Variants in TNFRSF8 observed in about 807,000 individuals in gnomAD.
The protein encoded by TNFRSF8 is TNF receptor superfamily member 8.
In TNFRSF8, 26 loss-of-function variants were observed where a neutral mutation model predicts 70.8. That is an observed-to-expected ratio of 0.37 (90% confidence interval 0.27 to 0.51). TNFRSF8 has a LOEUF of 0.51. TNFRSF8 is among the 20% of genes least tolerant of loss of function. TNFRSF8 has a pLI of 0.94. For missense variants in TNFRSF8, 720 were observed against 807.9 expected (o/e 0.89, Z 1.32); for synonymous variants, 356 against 339.2 (o/e 1.05, Z -0.54).
At chr1:12,093,636 G>T (rs1222956642) in intron 2 of TNFRSF8, among the ~76,000 whole-genome samples, 1 of 152,020 alleles carries the variant, frequency 6.6e-6, no homozygotes, top group East Asian at 1.9e-4. Flanking sequence ...TGCCTCCTGG[G>T]TTCAAGTGAT....
chr1:12,136,649 G>GAAAA (rs55656730), intron 13 of TNFRSF8, among the ~76,000 whole-genome samples: 1 of 122,346 alleles, frequency 8.2e-6, no homozygotes. Context: ...GACTCCATCT[G>GAAAA]AAAAAAAAAA....
intron 14 of TNFRSF8, among the ~76,000 whole-genome samples, chr1:12,140,254 G>C (rs1642227199): frequency 6.6e-6 from 1 of 152,174 alleles, no homozygotes. Context: ...GGTGGAAAGG[G>C]AAGGCCTTGG....
intron 1 of TNFRSF8, among the ~76,000 whole-genome samples, chr1:12,065,569 A>C (rs1640726415): frequency 6.6e-6 from 1 of 152,204 alleles, no homozygotes; most frequent in South Asian, 2.1e-4. Context: ...AGACCTTTAT[A>C]AATGCATGTC....
rs560767669 is a variant in TNFRSF8, at chr1:12,086,576, C to A, written c.151+2025C>A. Among the ~76,000 whole-genome samples the A allele has an allele frequency of 2.7e-5, 4 of 149,764 alleles. No homozygotes were observed. In the Admixed American group the frequency reaches 2.7e-4, roughly 10 times the overall value. On this transcript the variant is annotated intron_variant, in intron 2 of 14. Transcript: ENST00000263932. ...CCTTTCCATTTTTCTTCCCATCTAG[C>A]CACTATCCATCCATCCATCTGTATT...
At chr1:12,136,959 A>G (rs1243997266) in intron 13 of TNFRSF8, among the ~76,000 whole-genome samples, 4 of 148,250 alleles carry the variant, frequency 2.7e-5, no homozygotes, top group South Asian at 2.1e-4. Context: ...TGGCAGGGTC[A>G]TAGGACAATA....
chr1:12,096,327 G>A (rs1295877981), intron 2 of TNFRSF8, among the ~76,000 whole-genome samples: 2 of 151,652 alleles, frequency 1.3e-5, no homozygotes, highest in Non-Finnish European at 2.9e-5. Flanking sequence ...CCAATCTTTC[G>A]GCTTCCCTGG....
At chr1:12,106,688 C>T (rs568645601) in intron 4 of TNFRSF8, among the ~76,000 whole-genome samples, 16 of 152,134 alleles carry the variant, frequency 1.1e-4, no homozygotes, top group Middle Eastern at 6.8e-3. Flanking sequence ...CGGGGGAGAG[C>T]GCTCTGCTAA....
At position 12,126,204 on chromosome 1, in the gene TNFRSF8, T is replaced by G; in HGVS notation, c.1277T>G (p.Val426Gly). 1 of 1,614,098 alleles carries G rather than the reference T, an allele frequency of 6.2e-7. No homozygotes were observed. The highest frequency in any genetic ancestry group is 8.5e-7 in the Non-Finnish European group (1 of 1,180,014). The change falls in exon 12 of 15, where the codon GTC becomes GGC. Residue 426 changes from valine (V) to glycine (G), a missense_variant. Physicochemically the swap from Val to Gly is moderately radical, Grantham distance 109. Coordinates refer to ENST00000263932, the MANE Select transcript of TNFRSF8 (RefSeq NM_001243.5). Reference sequence around the variant, plus strand: ...TCAGAGCTCCACCTGTGCTACCCGGTCCAGACCTCCCAGCCCAAGCTAGAG... The same window carrying G: ...TCAGAGCTCCACCTGTGCTACCCGGGCCAGACCTCCCAGCCCAAGCTAGAG... ...IRQKLHLCYP[V>G]QTSQPKLELV...
rs555412624 is a variant in TNFRSF8 at position 12,119,238 on chromosome 1, C to T, written c.946+3509C>T. Among the ~76,000 whole-genome samples the T allele has an allele frequency of 7.9e-5, 12 of 152,314 alleles. No individual in the cohort carries two copies. Among genetic ancestry groups the T allele is most frequent in the East Asian group, 7.7e-4 (4 of 5,180 alleles). On this transcript the variant is annotated intron_variant, in intron 8 of 14. Coordinates refer to ENST00000263932, the MANE Select transcript of TNFRSF8 (RefSeq NM_001243.5). This position sits in a 1 kb window ranked among gnomAD's most constrained non-coding sequence, Gnocchi z 4.4. ...GGCTCTCCCAATGCAGACATTGGCA[C>T]GTGCCAGGCCTCATGTCTGCAAAAG... is the stretch of plus-strand genomic sequence containing the variant.
At chr1:12,096,411 A>G (rs504910) in intron 2 of TNFRSF8, among the ~76,000 whole-genome samples, 57,809 of 144,926 alleles carry the variant, frequency 0.4, 12,837 homozygotes, top group South Asian at 0.54. Context: ...GTTTTAGCTT[A>G]TAGCTGATGA....
At chr1:12,107,714 C>T (rs2101000265) in intron 4 of TNFRSF8, among the ~76,000 whole-genome samples, 1 of 152,186 alleles carries the variant, frequency 6.6e-6, no homozygotes, top group South Asian at 2.1e-4. Context: ...CCTGGTTAAT[C>T]TCTGGGGTCC....
At chr1:12,087,074 T>TATCC (rs57832338) in intron 2 of TNFRSF8, among the ~76,000 whole-genome samples, 2,438 of 115,324 alleles carry the variant, frequency 0.021, 40 homozygotes, top group East Asian at 0.059. Context: ...TCTACCTTTC[T>TATCC]ATCCATCCAT....
At chr1:12,086,404 AGGTG>A (rs1641153291) in intron 2 of TNFRSF8, among the ~76,000 whole-genome samples, 3 of 152,112 alleles carry the variant, frequency 2.0e-5, no homozygotes, top group Non-Finnish European at 4.4e-5. Context: ...ATGATCTATT[AGGTG>A]GGTCCCCTGG....
Position 12,143,237 on chromosome 1 carries a change from G to T in TNFRSF8, c.*706G>T, listed in dbSNP as rs1042929646. 6.6e-6 allele frequency: 1 copy of T among 152,352 alleles called. No homozygotes were observed. The highest frequency in any genetic ancestry group is 2.4e-5 in the African/African-American group (1 of 41,450). The allele number at this position is 152,352 out of a possible 1,614,324, so 9.4% of individuals were successfully genotyped here. A position where few individuals can be genotyped will look rare whatever the true frequency, so the allele number is the denominator to read the frequency against. On this transcript the variant is annotated 3_prime_UTR_variant, in exon 15 of 15. Coordinates refer to ENST00000263932, the MANE Select transcript of TNFRSF8 (RefSeq NM_001243.5). The surrounding 1 kb of genome is among the most constrained non-coding windows in gnomAD (Gnocchi z 4.1). ...CGGTGGGCCCAGGGCCTAGGGCCCA[G>T]GATCAAGTCACTCATCTCAGAATGT...
intron 8 of TNFRSF8, 33 bp downstream of exon 8, chr1:12,115,762 G>C (rs1557596251): frequency 6.2e-7 from 1 of 1,606,942 alleles, no homozygotes; most frequent in African/African-American, 1.3e-5. Context: ...CTCGACCACA[G>C]GGTGGAGTCT....
rs1351143605 is a variant in TNFRSF8 at position 12,126,890 on chromosome 1, C to G, written c.1309+654C>G. On this transcript the variant is annotated intron_variant, in intron 12 of 14. Coordinates refer to ENST00000263932, the MANE Select transcript of TNFRSF8 (RefSeq NM_001243.5). ...ACCTGCCTGCAATCGGTGGCTGCTG[C>G]CTATTGACAGGCTGGCCTGTGCCTG... 2.6e-5 allele frequency among the ~76,000 whole-genome samples: 4 copies of G among 152,230 alleles called. No homozygotes were observed. The East Asian group carries it at 7.7e-4, about 29-fold the overall frequency.
At chr1:12,076,471 T>C (rs570859225) in intron 1 of TNFRSF8, among the ~76,000 whole-genome samples, 6 of 152,160 alleles carry the variant, frequency 3.9e-5, no homozygotes, top group Non-Finnish European at 5.9e-5. Context: ...TTTCTTCAAC[T>C]CTTACACAAA....
intron 13 of TNFRSF8, among the ~76,000 whole-genome samples, chr1:12,136,694 A>G (rs1308798909): frequency 2.0e-5 from 3 of 150,626 alleles, no homozygotes; most frequent in African/African-American, 7.3e-5. Flanking sequence ...TCATATTATT[A>G]TGAAAGAGTA....
At chr1:12,095,654 A>G (rs562701253) in intron 2 of TNFRSF8, among the ~76,000 whole-genome samples, 142 of 152,332 alleles carry the variant, frequency 9.3e-4, no homozygotes, top group African/African-American at 3.2e-3. Context: ...ATTCCTCTGC[A>G]TTCCTGCATA....
Sources: allele counts gnomAD v4.1 joint callset (sites outside exome capture counted in the v4.1 genomes callset), GRCh38; gene constraint gnomAD v4.1.1; non-coding constraint Gnocchi (gnomAD v3.1); transcripts MANE v1.5; gene names NCBI Gene and HGNC (gene_info 2026-07-23, HGNC 2026-07-21).